EPHA6: variants seen among roughly 807,000 people sequenced by gnomAD.
EPHA6 encodes EPH receptor A6, also known as ephrin type-A receptor 6.
Under a neutral mutation model 112.0 loss-of-function variants are expected in EPHA6, and 50 were observed. That is an observed-to-expected ratio of 0.45 (90% CI 0.36 to 0.56). The LOEUF (loss-of-function observed/expected upper bound fraction) is 0.56. Among genes scored for constraint, EPHA6 ranks in the 20% least tolerant of loss-of-function variants. The pLI is 0.00. For missense variants in EPHA6, 1,280 were observed against 1,417.4 expected (o/e 0.90, Z 1.56); for synonymous variants, 529 against 490.7 (o/e 1.08, Z -1.03).
intron 13 of EPHA6, among the ~76,000 whole-genome samples, chr3:97,616,501 T>TCTAA (rs2093767747): frequency 1.3e-5 from 2 of 152,146 alleles, no homozygotes. Context: ...AGGGACATGT[T>TCTAA]CTAACTCAAC....
intron 5 of EPHA6, among the ~76,000 whole-genome samples, chr3:97,328,642 T>C (rs2082605071): frequency 6.6e-6 from 1 of 152,058 alleles, no homozygotes; most frequent in Non-Finnish European, 1.5e-5. Flanking sequence ...TCTCCCAGCT[T>C]GTAGATTTTC....
At chr3:97,675,446 C>A (rs1001914538) in intron 14 of EPHA6, among the ~76,000 whole-genome samples, 1 of 152,140 alleles carries the variant, frequency 6.6e-6, no homozygotes. Context: ...TGACACTGCA[C>A]TCCAGCCTGG....
intron 3 of EPHA6, among the ~76,000 whole-genome samples, chr3:97,060,020 C>A (rs2045968573): frequency 6.6e-6 from 1 of 152,020 alleles, no homozygotes; most frequent in East Asian, 1.9e-4. Flanking sequence ...ACTTGGGAGG[C>A]TGAGGCAGAA....
At chr3:96,820,459 G>A (rs1308017289) in intron 1 of EPHA6, among the ~76,000 whole-genome samples, 1 of 151,962 alleles carries the variant, frequency 6.6e-6, no homozygotes, top group East Asian at 1.9e-4. Flanking sequence ...CTGGAGAGAA[G>A]AAGATGGGTT....
chr3:97,150,843 G>A (rs2076154523), intron 3 of EPHA6, among the ~76,000 whole-genome samples: 1 of 151,964 alleles, frequency 6.6e-6, no homozygotes, highest in Non-Finnish European at 1.5e-5. Context: ...ATATGCCACT[G>A]TCTGGTTATT....
intron 13 of EPHA6, among the ~76,000 whole-genome samples, chr3:97,633,889 A>AT (rs1697778111): frequency 6.6e-6 from 1 of 152,088 alleles, no homozygotes; most frequent in East Asian, 1.9e-4. Context: ...GTATGAATAA[A>AT]TGGGGCTGTT....
chr3:97,379,634 A>G (rs2085594111), intron 5 of EPHA6, among the ~76,000 whole-genome samples: 1 of 151,098 alleles, frequency 6.6e-6, no homozygotes, highest in East Asian at 2.0e-4. Flanking sequence ...CTGTAATCCC[A>G]GCTACTTGAG....
At chr3:97,639,583 T>C (rs1448017641) in intron 14 of EPHA6, among the ~76,000 whole-genome samples, 1 of 152,164 alleles carries the variant, frequency 6.6e-6, no homozygotes, top group Non-Finnish European at 1.5e-5. Flanking sequence ...AGTAAGCCTA[T>C]ATAAATAGAC....
intron 7 of EPHA6, among the ~76,000 whole-genome samples, chr3:97,473,752 G>C (rs898994942): frequency 6.6e-6 from 1 of 151,768 alleles, no homozygotes; most frequent in African/African-American, 2.4e-5. Flanking sequence ...TCATTCCCAT[G>C]ATATCGGTGC....
intron 14 of EPHA6, among the ~76,000 whole-genome samples, chr3:97,677,933 AG>A (rs2031537998): frequency 1.3e-5 from 2 of 152,284 alleles, no homozygotes; most frequent in South Asian, 4.1e-4. Flanking sequence ...ATATGAATTA[AG>A]GGGACATTAA....
rs556778987 is a variant in EPHA6, at chr3:97,080,842, T to C, written c.1114+92849T>C. The stretch of plus-strand genomic sequence containing the variant: ...AATTATACATCACATATTTCAATTT[T>C]TTTGGAATATATAGGCTTGATTTGA... On this transcript the variant is annotated intron_variant, in intron 3 of 17. Transcript: ENST00000389672. 2.8e-4 allele frequency among the ~76,000 whole-genome samples: 43 copies of C among 152,078 alleles called. 1 individual carries two copies. The South Asian group carries it at 8.3e-3, about 29-fold the overall frequency.
At chr3:96,935,043 T>A (rs1194617187) in intron 2 of EPHA6, among the ~76,000 whole-genome samples, 1 of 151,802 alleles carries the variant, frequency 6.6e-6, no homozygotes, top group East Asian at 1.9e-4. Context: ...TACCCAACGC[T>A]TGTACAATTT....
chr3:97,394,072 T>G (rs2086567882), intron 5 of EPHA6, among the ~76,000 whole-genome samples: 1 of 151,776 alleles, frequency 6.6e-6, no homozygotes, highest in Non-Finnish European at 1.5e-5. Context: ...TTCATTTCCT[T>G]TGGCTATTTA....
chr3:97,482,945 AT>A (rs1168454747), intron 9 of EPHA6, among the ~76,000 whole-genome samples: 28 of 152,144 alleles, frequency 1.8e-4, no homozygotes, highest in African/African-American at 5.6e-4. Context: ...CTGTCTAGAG[AT>A]CTAAAATGGA....
At chr3:96,985,384 T>C (rs1323297232) in intron 2 of EPHA6, among the ~76,000 whole-genome samples, 2 of 152,190 alleles carry the variant, frequency 1.3e-5, no homozygotes, top group African/African-American at 4.8e-5. Context: ...TTTTTAGACA[T>C]TGATTTTGAC....
At chr3:97,025,648 G>A (rs1289828203) in intron 3 of EPHA6, among the ~76,000 whole-genome samples, 1 of 152,090 alleles carries the variant, frequency 6.6e-6, no homozygotes, top group Admixed American at 6.6e-5. Context: ...GTGTGCAGTG[G>A]CGCGATCTCC....
chr3:97,069,125 T>C (rs2046275332), intron 3 of EPHA6, among the ~76,000 whole-genome samples: 1 of 152,150 alleles, frequency 6.6e-6, no homozygotes, highest in Non-Finnish European at 1.5e-5. Flanking sequence ...ACAGTTTAAC[T>C]ACTAATAGCC....
At chr3:97,067,415 A>G (rs1046524653) in intron 3 of EPHA6, among the ~76,000 whole-genome samples, 1 of 152,104 alleles carries the variant, frequency 6.6e-6, no homozygotes, top group African/African-American at 2.4e-5. Context: ...TGAGAGATAT[A>G]TAAAGATTGT....
chr3:97,010,282 T>A (rs1013175076), intron 3 of EPHA6: 1 of 347,492 alleles, frequency 2.9e-6, no homozygotes, highest in African/African-American at 2.2e-5. Flanking sequence ...CATAGCCTGA[T>A]TGCCAACCCC....
Sources: gnomAD v4.1 joint callset for allele counts (sites outside exome capture counted in the v4.1 genomes callset) on GRCh38, gnomAD v4.1.1 for gene constraint, MANE v1.5 for transcripts, NCBI Gene and HGNC (gene_info 2026-07-23, HGNC 2026-07-21) for gene names.